KYNU: variants seen among roughly 807,000 people sequenced by gnomAD.
The protein encoded by KYNU is kynureninase.
KYNU carries 54 observed loss-of-function variants against 59.2 expected under a neutral mutation model. The observed-to-expected ratio is 0.91, with a 90% confidence interval of 0.73 to 1.14. KYNU has a LOEUF of 1.14. Among genes scored for constraint, KYNU ranks in the 50% most tolerant of loss-of-function variants. The pLI is 0.00. For synonymous variants in KYNU, 177 were observed against 192.0 expected, an observed-to-expected ratio of 0.92 and a Z score of 0.65; for missense variants, 567 against 554.4, an observed-to-expected ratio of 1.02 and a Z score of -0.23.
chr2:142,961,171 C>T (rs1035269614), intron 8 of KYNU, among the ~76,000 whole-genome samples: 12 of 139,160 alleles, frequency 8.6e-5, no homozygotes, highest in Admixed American at 4.5e-4. Flanking sequence ...CCAGCCTGGG[C>T]AACAGAGCAA....
intron 10 of KYNU, among the ~76,000 whole-genome samples, chr2:143,013,577 C>G (rs1450549274): frequency 6.6e-6 from 1 of 152,122 alleles, no homozygotes; most frequent in Non-Finnish European, 1.5e-5. Flanking sequence ...TTTAAATGAG[C>G]AAATAATTTT....
intron 13 of KYNU, among the ~76,000 whole-genome samples, chr2:143,041,406 A>C (rs1687040618): frequency 6.6e-6 from 1 of 152,084 alleles, no homozygotes; most frequent in Non-Finnish European, 1.5e-5. Context: ...AAAGTTCATT[A>C]GGATCTATTG....
At chr2:142,957,879 G>T (rs572440862) in intron 7 of KYNU, 164 bp downstream of exon 7, 1 of 599,118 alleles carries the variant, frequency 1.7e-6, no homozygotes. Flanking sequence ...GCTTAAAATA[G>T]AGAATAACTC....
chr2:142,899,832 G>A (rs1682012094), intron 2 of KYNU, among the ~76,000 whole-genome samples: 1 of 152,182 alleles, frequency 6.6e-6, no homozygotes, highest in Non-Finnish European at 1.5e-5. Context: ...CACGTCACAG[G>A]CCCTGACTAT....
At chr2:142,958,182 A>G (rs1189550361) in intron 7 of KYNU, 4 of 162,230 alleles carry the variant, frequency 2.5e-5, no homozygotes, top group Non-Finnish European at 2.7e-5. Context: ...GGGATGTGGT[A>G]TAATGGGAAG....
chr2:142,957,454 G>A (rs1684204828), intron 6 of KYNU, among the ~76,000 whole-genome samples, 187 bp from the exon 7 acceptor site: 1 of 152,114 alleles, frequency 6.6e-6, no homozygotes, highest in African/African-American at 2.4e-5. Flanking sequence ...CTCAAAGAAT[G>A]TTCAGAATTC....
chr2:142,956,299 T>C, intron 6 of KYNU, 25 bp downstream of exon 6: 2 of 1,447,658 alleles, frequency 1.4e-6, no homozygotes, highest in South Asian at 2.3e-5. Context: ...AAATTGTATT[T>C]ATGTTCTTTC....
chr2:143,019,117 G>T (rs1686339118), intron 10 of KYNU, among the ~76,000 whole-genome samples: 1 of 151,998 alleles, frequency 6.6e-6, no homozygotes, highest in African/African-American at 2.4e-5. Flanking sequence ...CTGTCTGAAT[G>T]ATTTTTATTT....
chr2:142,998,999 C>G lies in KYNU; in HGVS notation c.902+12978C>G, dbSNP rs190256433. Among the ~76,000 whole-genome samples the G allele has an allele frequency of 1.5e-4, 18 of 121,168 alleles. No individual in the cohort carries two copies. The East Asian group carries it at 3.6e-3, about 24-fold the overall frequency. The allele number at this position is 121,168 out of a possible 152,430, so 79.5% of individuals were successfully genotyped here. A position where few individuals can be genotyped will look rare whatever the true frequency, so the allele number is the denominator to read the frequency against. ...ACTCCAGCCTGGCAACAGACTGAGACTCCGTCTCAAAAAAAAAAAAAAAAA... is the reference window on the plus strand; with the variant it reads ...ACTCCAGCCTGGCAACAGACTGAGAGTCCGTCTCAAAAAAAAAAAAAAAAA... On this transcript the variant is annotated intron_variant, in intron 10 of 13. Coordinates refer to ENST00000264170, the MANE Select transcript of KYNU (RefSeq NM_003937.3).
chr2:142,910,617 T>C (rs1055270089), intron 2 of KYNU, among the ~76,000 whole-genome samples: 4 of 152,106 alleles, frequency 2.6e-5, no homozygotes, highest in African/African-American at 7.2e-5. Flanking sequence ...TTTGCAATTG[T>C]TATTGAGGAC....
At chr2:142,907,662 G>A (rs6713123) in intron 2 of KYNU, among the ~76,000 whole-genome samples, 82,413 of 152,074 alleles carry the variant, frequency 0.54, 22,990 homozygotes, top group South Asian at 0.69. Context: ...TCAAATGCCT[G>A]GGTTTATATC....
chr2:142,993,760 T>C (rs924447455), intron 10 of KYNU, among the ~76,000 whole-genome samples: 1 of 152,046 alleles, frequency 6.6e-6, no homozygotes, highest in African/African-American at 2.4e-5. Context: ...TGTATTTTTT[T>C]AACTCCAGAG....
chr2:142,954,958 G>C, intron 5 of KYNU, 87 bp downstream of exon 5: 1 of 842,330 alleles, frequency 1.2e-6, no homozygotes, highest in South Asian at 1.5e-5. Context: ...GCTTCTGGGG[G>C]TTTACTTATT....
At chr2:142,880,423 C>CT (rs1681254558) in intron 1 of KYNU, among the ~76,000 whole-genome samples, 1 of 152,234 alleles carries the variant, frequency 6.6e-6, no homozygotes, top group Non-Finnish European at 1.5e-5. Flanking sequence ...TGTTCAATCC[C>CT]TTGCCATTGT....
At chr2:142,910,582 G>GGGGGTT (rs1682450051) in intron 2 of KYNU, among the ~76,000 whole-genome samples, 2 of 151,978 alleles carry the variant, frequency 1.3e-5, no homozygotes, top group African/African-American at 4.8e-5. Context: ...GTTTAATTAG[G>GGGGGTT]TCCCACTTGT....
At chr2:142,893,779 T>C (rs1252015992) in intron 2 of KYNU, among the ~76,000 whole-genome samples, 1 of 152,036 alleles carries the variant, frequency 6.6e-6, no homozygotes, top group African/African-American at 2.4e-5. Flanking sequence ...AGCCCAATAT[T>C]CTAAGATAAT....
chr2:142,975,014 G>A (rs1558954038), intron 8 of KYNU, among the ~76,000 whole-genome samples: 1 of 152,138 alleles, frequency 6.6e-6, no homozygotes, highest in Non-Finnish European at 1.5e-5. Context: ...AAAGTCAGGA[G>A]CCACGGAAAT....
chr2:142,962,178 C>T (rs963916804), intron 8 of KYNU, among the ~76,000 whole-genome samples: 2 of 152,198 alleles, frequency 1.3e-5, no homozygotes, highest in Non-Finnish European at 2.9e-5. Context: ...TTAGTATACA[C>T]GTATGTCTCA....
At chr2:143,004,510 A>C (rs1685808043) in intron 10 of KYNU, among the ~76,000 whole-genome samples, 2 of 152,180 alleles carry the variant, frequency 1.3e-5, no homozygotes. Context: ...CAGGTGGTCG[A>C]GACCAGCCTG....
Sources: gnomAD v4.1 joint callset for allele counts (sites outside exome capture counted in the v4.1 genomes callset) on GRCh38, gnomAD v4.1.1 for gene constraint, MANE v1.5 for transcripts, NCBI Gene and HGNC (gene_info 2026-07-23, HGNC 2026-07-21) for gene names.